CEP104: variants seen among roughly 807,000 people sequenced by gnomAD.
CEP104 encodes the protein centrosomal protein of 104 kDa.
CEP104 carries 84 observed loss-of-function variants against 113.3 expected under a neutral mutation model. That is an observed-to-expected ratio of 0.74 (90% confidence interval 0.62 to 0.89). CEP104 has a LOEUF of 0.89. Ranked by LOEUF, CEP104 falls within the 40% of genes least tolerant of loss-of-function variation. The pLI is 0.00. For synonymous variants in CEP104, 378 were observed against 421.7 expected (o/e 0.90, Z 1.27); for missense variants, 1,053 against 1,156.6 (o/e 0.91, Z 1.30).
intron 18 of CEP104, 140 bp downstream of exon 18, chr1:3,825,618 T>A: frequency 3.2e-6 from 2 of 627,136 alleles, no homozygotes; most frequent in Admixed American, 5.2e-5. Flanking sequence ...CATTTGCGGG[T>A]GTGTGCTTGG....
chr1:3,830,332 T>C (rs898648862), intron 13 of CEP104, among the ~76,000 whole-genome samples: 2 of 152,112 alleles, frequency 1.3e-5, no homozygotes, highest in African/African-American at 4.8e-5. Flanking sequence ...TTTCAGGTTT[T>C]TGGATTTGGG....
intron 13 of CEP104, among the ~76,000 whole-genome samples, 164 bp from the exon 14 acceptor site, chr1:3,830,161 A>G (rs1644174854): frequency 6.6e-6 from 1 of 152,184 alleles, no homozygotes; most frequent in Admixed American, 6.5e-5. Flanking sequence ...CTACCGTCTC[A>G]TCGTAAGCCG....
At chr1:3,830,059 C>CAAAAAAA in intron 13 of CEP104, 62 bp from the exon 14 acceptor site, 1 of 1,202,956 alleles carries the variant, frequency 8.3e-7, no homozygotes, top group South Asian at 1.3e-5. Flanking sequence ...TTCCAGCTTA[C>CAAAAAAA]AAAAAAGGTA....
rs749464020 is a variant in CEP104 at position 3,847,524 on chromosome 1, T to A, written c.377A>T (p.Lys126Ile). Residue 126 changes from lysine to isoleucine, a missense_variant, in exon 4 of 22, where the codon AAA becomes ATA. Physicochemically the swap from Lys to Ile is moderately radical, Grantham distance 102. Transcript: ENST00000378230. ...GACATGGTTTTGGTGAAAAATCAGTTTAAGAAATTGTCCTACTGCATCCAC... is the reference window on the plus strand; with the variant it reads ...GACATGGTTTTGGTGAAAAATCAGTATAAGAAATTGTCCTACTGCATCCAC... ...VYVDAVGQFLKLIFHQNHVNK... is the reference protein window; with the variant it reads ...VYVDAVGQFLILIFHQNHVNK... 6.2e-7 allele frequency: 1 copy of A among 1,610,582 alleles called. No homozygotes were observed. Among genetic ancestry groups the A allele is most frequent in the East Asian group, 2.2e-5 (1 of 44,814 alleles).
chr1:3,834,833 C>A, intron 11 of CEP104, 92 bp downstream of exon 11: 1 of 1,200,552 alleles, frequency 8.3e-7, no homozygotes, highest in Non-Finnish European at 1.2e-6. Flanking sequence ...CAATGACCAA[C>A]TGGTCCTCTC....
chr1:3,830,102 C>A, intron 13 of CEP104, 105 bp from the exon 14 acceptor site: 1 of 801,124 alleles, frequency 1.2e-6, no homozygotes, highest in Non-Finnish European at 2.1e-6. Context: ...AAAGAGAAAA[C>A]ATCCGTATTA....
chr1:3,844,475 C>A (rs557859619), intron 6 of CEP104, among the ~76,000 whole-genome samples: 1 of 151,734 alleles, frequency 6.6e-6, no homozygotes. Flanking sequence ...TCCAGCCTGG[C>A]GACAGAGCAA....
rs1396989816 is a variant in CEP104, at chr1:3,814,834, T to A, written c.*568A>T. 1 of 152,470 alleles carries A rather than the reference T, an allele frequency of 6.6e-6. No individual in the cohort carries two copies. Among genetic ancestry groups the A allele is most frequent in the Non-Finnish European group, 1.5e-5 (1 of 68,204 alleles). The allele number at this position is 152,470 out of a possible 1,614,324, so 9.4% of individuals were successfully genotyped here. A position where few individuals can be genotyped will look rare whatever the true frequency, so the allele number is the denominator to read the frequency against. On this transcript the variant is annotated 3_prime_UTR_variant, in exon 22 of 22. Coordinates refer to ENST00000378230, the MANE Select transcript of CEP104 (RefSeq NM_014704.4). ...GCTATAGTGGGAACGTGAGTTCTGC[T>A]ACCTGGGGCTGAGTGCACTGGGCAG...
intron 15 of CEP104, 101 bp from the exon 16 acceptor site, chr1:3,826,845 T>G: frequency 7.7e-7 from 1 of 1,295,128 alleles, no homozygotes; most frequent in Non-Finnish European, 1.1e-6. Flanking sequence ...CATTTCTGGG[T>G]TTTGTTTTAG....
At chr1:3,840,297 C>T (rs762156327) in intron 6 of CEP104, among the ~76,000 whole-genome samples, 7 of 152,254 alleles carry the variant, frequency 4.6e-5, no homozygotes, top group East Asian at 1.9e-4. Context: ...AGTGCAATGG[C>T]GCAATCTCGG....
In CEP104 at chr1:3,814,524, G is replaced by A. The variant is rs192445238; in HGVS notation, c.*878C>T. 1 of 152,374 alleles carries A rather than the reference G, an allele frequency of 6.6e-6. No homozygotes were observed. Among genetic ancestry groups the A allele is most frequent in the African/African-American group, 2.4e-5 (1 of 41,604 alleles). The allele number at this position is 152,374 out of a possible 1,614,324, so 9.4% of individuals were successfully genotyped here. A position where few individuals can be genotyped will look rare whatever the true frequency, so the allele number is the denominator to read the frequency against. On this transcript the variant is annotated 3_prime_UTR_variant, in exon 22 of 22. Transcript: ENST00000378230. The stretch of plus-strand genomic sequence containing the variant: ...AGGGGCGGGAGGCCCATACCAGTGG[G>A]CTTCTGCCTGCTGTGAACACAGGGT...
At position 3,823,254 on chromosome 1, in the gene CEP104, T is replaced by C; in HGVS notation, c.2504-13A>G. On this transcript the variant is annotated splice_polypyrimidine_tract_variant and intron_variant, in intron 19 of 21. Transcript: ENST00000378230. The surrounding 1 kb of genome is among the most constrained non-coding windows in gnomAD (Gnocchi z 4.1). ...TCCGGTTTGGCAGCTGAAATGATTTTAAAAAGACTCAGTCGCTCCCTGAAT... is the reference window on the plus strand; with the variant it reads ...TCCGGTTTGGCAGCTGAAATGATTTCAAAAAGACTCAGTCGCTCCCTGAAT... The C allele has an allele frequency of 6.2e-7, 1 of 1,614,150 alleles. No individual in the cohort carries two copies. Among genetic ancestry groups the C allele is most frequent in the Non-Finnish European group, 8.5e-7 (1 of 1,179,998 alleles).
At chr1:3,838,829 T>G in intron 8 of CEP104, 135 bp downstream of exon 8, 1 of 921,842 alleles carries the variant, frequency 1.1e-6, no homozygotes, top group African/African-American at 1.6e-5. Flanking sequence ...GCTGAGGCCA[T>G]CCATAACTGT....
rs3795255 is a variant in CEP104, at chr1:3,815,053, G to A, written c.*349C>T. The stretch of plus-strand genomic sequence containing the variant: ...TCCAAGCACTAAGGAAAGCGGGACC[G>A]TGCCTGTGCTGACCGTGGCCTTGCG... On this transcript the variant is annotated 3_prime_UTR_variant, in exon 22 of 22. Coordinates refer to ENST00000378230, the MANE Select transcript of CEP104 (RefSeq NM_014704.4). 20 of 258,404 alleles carry A rather than the reference G, an allele frequency of 7.7e-5. No individual in the cohort carries two copies. Among genetic ancestry groups the A allele is most frequent in the Middle Eastern group, 1.3e-3 (1 of 772 alleles). The allele number at this position is 258,404 out of a possible 1,614,324, so 16.0% of individuals were successfully genotyped here. A position where few individuals can be genotyped will look rare whatever the true frequency, so the allele number is the denominator to read the frequency against.
chr1:3,816,566 A>G, intron 20 of CEP104, 196 bp from the exon 21 acceptor site: 1 of 507,036 alleles, frequency 2.0e-6, no homozygotes, highest in Non-Finnish European at 3.5e-6. Context: ...TGCAGGGTAC[A>G]ACTCAGGAAG....
rs192076864 is a variant in CEP104, at chr1:3,848,132, G to A, written c.287+476C>T. On this transcript the variant is annotated intron_variant, in intron 3 of 21. Coordinates refer to ENST00000378230, the MANE Select transcript of CEP104 (RefSeq NM_014704.4). The stretch of plus-strand genomic sequence containing the variant: ...CAGAATTCATAGAAATTATAGCGCT[G>A]CTTTTTAAGCACATTCAATAAGAGG... Among the ~76,000 whole-genome samples, 126 of 152,206 alleles carry A rather than the reference G, an allele frequency of 8.3e-4. 2 individuals are homozygous for A. Among genetic ancestry groups the A allele is most frequent in the African/African-American group, 2.6e-3 (108 of 41,496 alleles).
chr1:3,823,690 A>T lies in CEP104; in HGVS notation c.2365-128T>A. On this transcript the variant is annotated intron_variant, in intron 18 of 21. Transcript: ENST00000378230. The surrounding 1 kb of genome is among the most constrained non-coding windows in gnomAD (Gnocchi z 4.1). Reference sequence around the variant, plus strand: ...GTGCCGCCTGCACATGAAGTAAGCCACAGGCTTCTATCTTCGGCATTTGCC... The same window carrying T: ...GTGCCGCCTGCACATGAAGTAAGCCTCAGGCTTCTATCTTCGGCATTTGCC... 2 of 1,098,614 alleles carry T rather than the reference A, an allele frequency of 1.8e-6. No individual in the cohort carries two copies. Among genetic ancestry groups the T allele is most frequent in the Non-Finnish European group, 2.6e-6 (2 of 754,772 alleles). 68.1% of individuals were successfully genotyped at this position (1,098,614 alleles called of 1,614,324 possible).
intron 10 of CEP104, among the ~76,000 whole-genome samples, chr1:3,835,465 C>T (rs570542097): frequency 5.3e-5 from 8 of 152,158 alleles, no homozygotes; most frequent in South Asian, 2.1e-4. Context: ...TGTCCCCCTG[C>T]GGGTTCAAGC....
chr1:3,845,125 A>G (rs1470315767), intron 5 of CEP104, 142 bp from the exon 6 acceptor site: 2 of 877,396 alleles, frequency 2.3e-6, no homozygotes, highest in African/African-American at 1.7e-5. Flanking sequence ...AAACTGTTAA[A>G]GAAAAGTTTC....
Sources: allele counts gnomAD v4.1 joint callset (sites outside exome capture counted in the v4.1 genomes callset), GRCh38; gene constraint gnomAD v4.1.1; non-coding constraint Gnocchi (gnomAD v3.1); transcripts MANE v1.5; gene names NCBI Gene and HGNC (gene_info 2026-07-23, HGNC 2026-07-21).